CNBD1: variants seen among roughly 807,000 people sequenced by gnomAD.
The protein encoded by CNBD1 is cyclic nucleotide binding domain containing 1.
Under a neutral mutation model 54.4 loss-of-function variants are expected in CNBD1, and 71 were observed. The ratio of observed to expected loss-of-function variants is 1.30; its 90% CI spans 1.08 to 1.59. CNBD1 has a LOEUF of 1.59. Ranked by LOEUF, CNBD1 falls within the 40% of genes most tolerant of loss-of-function variation. The probability of loss-of-function intolerance (pLI) is 0.00; values close to 1 mark genes in which losing one functional copy is unlikely to be tolerated. For missense variants in CNBD1, 659 were observed against 518.0 expected (o/e 1.27, Z -2.64); for synonymous variants, 182 against 170.7 (o/e 1.07, Z -0.51).
chr8:87,231,618 A>G (rs1475340001), intron 5 of CNBD1, among the ~76,000 whole-genome samples: 1 of 149,018 alleles, frequency 6.7e-6, no homozygotes, highest in Non-Finnish European at 1.5e-5. Flanking sequence ...ATTTGCTGTC[A>G]TCTTGTGAAC....
At chr8:87,300,686 G>C (rs1337723686) in intron 8 of CNBD1, among the ~76,000 whole-genome samples, 2 of 3,316 alleles carry the variant, frequency 6.0e-4, no homozygotes, top group Non-Finnish European at 1.1e-3. Flanking sequence ...AAGATTATTA[G>C]ATGTATATGT....
chr8:87,263,191 C>T (rs1481579328), intron 6 of CNBD1, among the ~76,000 whole-genome samples: 1 of 152,090 alleles, frequency 6.6e-6, no homozygotes, highest in Non-Finnish European at 1.5e-5. Flanking sequence ...TTTATATTTA[C>T]TTTAGTGTCC....
At chr8:87,093,931 G>A (rs979599733) in intron 4 of CNBD1, among the ~76,000 whole-genome samples, 4 of 152,096 alleles carry the variant, frequency 2.6e-5, no homozygotes, top group Non-Finnish European at 5.9e-5. Flanking sequence ...TAAAATCTCT[G>A]TTCCTTTCTA....
At chr8:87,427,111 T>C (rs1563598520) in intron 2 of CNBD1, among the ~76,000 whole-genome samples, 1 of 152,026 alleles carries the variant, frequency 6.6e-6, no homozygotes. Flanking sequence ...GACCTCGCAG[T>C]TCCCCCTGTA....
At chr8:87,094,995 C>T (rs188995362) in intron 4 of CNBD1, among the ~76,000 whole-genome samples, 130 of 152,316 alleles carry the variant, frequency 8.5e-4, no homozygotes, top group African/African-American at 2.9e-3. Flanking sequence ...GCCGAGATCA[C>T]GCCGTGGCAC....
At chr8:86,908,852 G>A (rs1281027442) in intron 3 of CNBD1, among the ~76,000 whole-genome samples, 1 of 141,788 alleles carries the variant, frequency 7.1e-6, no homozygotes, top group Non-Finnish European at 1.5e-5. Flanking sequence ...TGCAACCTCC[G>A]CCTCCCAGGT....
chr8:86,893,624 A>G (rs1483188681), intron 2 of CNBD1, among the ~76,000 whole-genome samples: 1 of 152,172 alleles, frequency 6.6e-6, no homozygotes, highest in Non-Finnish European at 1.5e-5. Flanking sequence ...ATTTCTATCC[A>G]TATCACTACA....
intron 4 of CNBD1, among the ~76,000 whole-genome samples, chr8:86,979,414 AAAAAAAAAAAAAAAGGC>A (rs1444419290): frequency 6.8e-6 from 1 of 145,998 alleles, no homozygotes; most frequent in East Asian, 2.0e-4. Context: ...AAAAAAAAAA[AAAAAAAAAAAAAAAGGC>A]AAAAACAATT....
intron 5 of CNBD1, among the ~76,000 whole-genome samples, chr8:87,224,514 GC>G (rs1269733402): frequency 1.3e-5 from 2 of 151,180 alleles, no homozygotes; most frequent in East Asian, 3.9e-4. Context: ...TTTCCCCATT[GC>G]TTGTTTTTCT....
At chr8:87,148,539 G>C (rs1563487123) in intron 4 of CNBD1, among the ~76,000 whole-genome samples, 1 of 152,106 alleles carries the variant, frequency 6.6e-6, no homozygotes, top group Non-Finnish European at 1.5e-5. Context: ...TTGCATTCAG[G>C]CTGTTCTGTG....
At chr8:87,201,370 G>A (rs915300545) in intron 4 of CNBD1, among the ~76,000 whole-genome samples, 1 of 152,128 alleles carries the variant, frequency 6.6e-6, no homozygotes, top group African/African-American at 2.4e-5. Context: ...TATAGTGAAT[G>A]TTCTAGTTAA....
At chr8:87,263,512 A>T (rs372639919) in intron 6 of CNBD1, among the ~76,000 whole-genome samples, 43 of 152,300 alleles carry the variant, frequency 2.8e-4, no homozygotes, top group African/African-American at 8.7e-4. Context: ...CACAGTCACA[A>T]ACAAAATTGT....
chr8:87,262,615 G>C (rs1426989829), intron 6 of CNBD1, among the ~76,000 whole-genome samples: 1 of 152,068 alleles, frequency 6.6e-6, no homozygotes, highest in African/African-American at 2.4e-5. Context: ...CAGTGCTCCT[G>C]GTTCTGTTTT....
intron 4 of CNBD1, among the ~76,000 whole-genome samples, chr8:86,965,749 A>G (rs1420802079): frequency 6.6e-6 from 1 of 152,144 alleles, no homozygotes; most frequent in South Asian, 2.1e-4. Flanking sequence ...AGAGGTATGA[A>G]GACAAGCGAA....
At chr8:87,421,421 C>T (rs1345364188) in intron 2 of CNBD1, among the ~76,000 whole-genome samples, 1 of 112,714 alleles carries the variant, frequency 8.9e-6, no homozygotes, top group Non-Finnish European at 1.9e-5. Context: ...CTCTCCCTCC[C>T]CCCCTCCCCC....
At chr8:87,257,977 C>A (rs1300886432) in intron 6 of CNBD1, among the ~76,000 whole-genome samples, 1 of 151,920 alleles carries the variant, frequency 6.6e-6, no homozygotes, top group Non-Finnish European at 1.5e-5. Flanking sequence ...TTTAGAAATC[C>A]CATACAATTT....
chr8:87,370,597 G>T lies in CNBD1; in HGVS notation c.1304-12023G>T, dbSNP rs561717005. 3.8e-3 allele frequency among the ~76,000 whole-genome samples: 578 copies of T among 152,066 alleles called. 2 individuals carry two copies. The highest frequency in any genetic ancestry group is 5.8e-3 in the Non-Finnish European group (396 of 67,996). The stretch of plus-strand genomic sequence containing the variant: ...TTGTTTGTTTTTTTCTTGTAAATTT[G>T]TTTAAGTTCATTGTAGATTCTGGAT... On this transcript the variant is annotated intron_variant, in intron 10 of 10. Coordinates refer to ENST00000518476, the MANE Select transcript of CNBD1 (RefSeq NM_173538.3).
chr8:87,111,194 A>G (rs1811654561), intron 4 of CNBD1, among the ~76,000 whole-genome samples: 1 of 152,206 alleles, frequency 6.6e-6, no homozygotes, highest in African/African-American at 2.4e-5. Flanking sequence ...TAACCTTTAT[A>G]CCACTGGACA....
chr8:87,423,863 C>T (rs1356387897), intron 2 of CNBD1, among the ~76,000 whole-genome samples: 2 of 152,212 alleles, frequency 1.3e-5, no homozygotes, highest in African/African-American at 2.4e-5. Flanking sequence ...ACCAGTTCCT[C>T]CTTGTACCTC....
Sources: allele counts gnomAD v4.1 joint callset (sites outside exome capture counted in the v4.1 genomes callset), GRCh38; gene constraint gnomAD v4.1.1; transcripts MANE v1.5; gene names NCBI Gene and HGNC (gene_info 2026-07-23, HGNC 2026-07-21).